Variants in PGS1 observed in about 807,000 individuals in gnomAD.
PGS1 encodes the protein CDP-diacylglycerol--glycerol-3-phosphate 3-phosphatidyltransferase, mitochondrial.
A neutral mutation model predicts 58.3 loss-of-function variants in PGS1; 44 were observed. The ratio of observed to expected loss-of-function variants is 0.75; its 90% CI spans 0.59 to 0.97. PGS1 has a LOEUF of 0.97. Ranked by LOEUF, PGS1 falls within the 50% of genes least tolerant of loss-of-function variation. The pLI, the probability that PGS1 is intolerant of heterozygous loss-of-function variation, is 0.00. For missense variants in PGS1, 684 were observed against 731.1 expected, an observed-to-expected ratio of 0.94 and a Z score of 0.74; for synonymous variants, 330 against 311.0, an observed-to-expected ratio of 1.06 and a Z score of -0.64.
intron 9 of PGS1, chr17:78,420,040 G>A: frequency 9.0e-7 from 1 of 1,115,772 alleles, no homozygotes; most frequent in South Asian, 2.2e-5. Context: ...CCTCCAAGCT[G>A]AGCACACTGG....
intron 1 of PGS1, 152 bp from the exon 2 acceptor site, chr17:78,392,324 C>T (rs2082891975): frequency 7.2e-6 from 4 of 553,990 alleles, no homozygotes; most frequent in Non-Finnish European, 1.3e-5. Context: ...GTTGGGCTCA[C>T]TTTTTAAAAT....
At chr17:78,397,891 T>C (rs1054958216) in intron 3 of PGS1, among the ~76,000 whole-genome samples, 2 of 152,244 alleles carry the variant, frequency 1.3e-5, no homozygotes, top group Non-Finnish European at 2.9e-5. Context: ...AAGCACTCTT[T>C]ACGAGGAGGG....
intron 7 of PGS1, among the ~76,000 whole-genome samples, chr17:78,409,244 AT>A (rs374657604): frequency 6.6e-6 from 1 of 152,366 alleles, no homozygotes; most frequent in African/African-American, 2.4e-5. Context: ...CGTGCATTTC[AT>A]GAGGAAGATC....
chr17:78,403,765 T>C lies in PGS1; in HGVS notation c.1078T>C (p.Phe360Leu). The change falls in exon 7 of 10, where the codon TTC becomes CTC. Residue 360 changes from phenylalanine (F) to leucine (L), a missense_variant. Phe to Leu is a conservative substitution (Grantham distance 22). Coordinates refer to ENST00000262764, the MANE Select transcript of PGS1 (RefSeq NM_024419.5). ...WIYPLIQMKP[F>L]EIQIDEIVTE... ...TTATCCGCTGATTCAGATGAAGCCC[T>C]TCGAGATTCAAATCGATGAGATTGT... 6.2e-7 allele frequency: 1 copy of C among 1,614,216 alleles called. No individual in the cohort carries two copies. The highest frequency in any genetic ancestry group is 8.5e-7 in the Non-Finnish European group (1 of 1,180,034).
intron 1 of PGS1, among the ~76,000 whole-genome samples, chr17:78,382,345 A>G (rs1265372605): frequency 2.6e-5 from 4 of 152,088 alleles, no homozygotes; most frequent in Admixed American, 2.6e-4. Context: ...TCAGCCTGAG[A>G]TGGTGGGGGC....
At chr17:78,409,447 G>A (rs187994286) in intron 7 of PGS1, among the ~76,000 whole-genome samples, 2 of 152,234 alleles carry the variant, frequency 1.3e-5, no homozygotes, top group Non-Finnish European at 2.9e-5. Context: ...GCCAATTGGC[G>A]TTCTGCCCAA....
chr17:78,424,005 G>T, intron 9 of PGS1, 56 bp from the exon 10 acceptor site: 1 of 1,614,066 alleles, frequency 6.2e-7, no homozygotes, highest in Non-Finnish European at 8.5e-7. Flanking sequence ...GGCCGCGGAT[G>T]CGTGTTTTGT....
In PGS1 at chr17:78,424,163, C is replaced by A; in HGVS notation, c.*113C>A. On this transcript the variant is annotated 3_prime_UTR_variant, in exon 10 of 10. Transcript: ENST00000262764. ...GTGTCCCAGCGAGCCCCTGCAGGGA[C>A]AGTATGGCTGAGGGTCAGGTGTGCT... is the stretch of plus-strand genomic sequence containing the variant. 1 of 1,604,358 alleles carries A rather than the reference C, an allele frequency of 6.2e-7. No homozygotes were observed. Among genetic ancestry groups the A allele is most frequent in the Non-Finnish European group, 8.5e-7 (1 of 1,175,648 alleles).
chr17:78,386,981 GTGA>G (rs1194950863), intron 1 of PGS1, among the ~76,000 whole-genome samples: 2 of 111,458 alleles, frequency 1.8e-5, no homozygotes, highest in African/African-American at 4.1e-5. Flanking sequence ...GATGATGATG[GTGA>G]TGATGGTGAT....
Position 78,419,496 on chromosome 17 carries a change from G to A in PGS1, c.1552-50G>A, listed in dbSNP as rs374364424. 1.8e-5 allele frequency: 27 copies of A among 1,532,222 alleles called. 1 individual carries two copies. The Admixed American group carries it at 2.0e-4, about 11-fold the overall frequency. 94.9% of individuals were successfully genotyped at this position (1,532,222 alleles called of 1,614,324 possible). ...GGCTGGGGCCAGCCGGCCATGTGGT[G>A]TGGTGCTGGAGGGGACTCCTCACTA... On this transcript the variant is annotated intron_variant, in intron 8 of 9. Coordinates refer to ENST00000262764, the MANE Select transcript of PGS1 (RefSeq NM_024419.5).
At chr17:78,391,248 A>G (rs1407481781) in intron 1 of PGS1, among the ~76,000 whole-genome samples, 3 of 151,368 alleles carry the variant, frequency 2.0e-5, no homozygotes, top group Non-Finnish European at 4.4e-5. Flanking sequence ...GTGCGCGGCC[A>G]CGGCTCATCA....
intron 7 of PGS1, among the ~76,000 whole-genome samples, chr17:78,409,202 C>G (rs1248835966): frequency 6.6e-6 from 1 of 152,232 alleles, no homozygotes; most frequent in African/African-American, 2.4e-5. Context: ...CAGGCTGTGT[C>G]CATCTGCTGG....
chr17:78,411,879 G>A (rs1362420127), intron 7 of PGS1, among the ~76,000 whole-genome samples: 2 of 132,084 alleles, frequency 1.5e-5, no homozygotes, highest in African/African-American at 5.5e-5. Context: ...CGAGGGAGAT[G>A]AAACAGAACT....
At chr17:78,393,376 T>G (rs544217821) in intron 2 of PGS1, among the ~76,000 whole-genome samples, 2 of 152,326 alleles carry the variant, frequency 1.3e-5, no homozygotes, top group South Asian at 4.1e-4. Context: ...TTGATTCTTA[T>G]GGGCGCACTG....
At chr17:78,420,574 G>C (rs1372118462) in intron 9 of PGS1, 3 of 152,224 alleles carry the variant, frequency 2.0e-5, no homozygotes, top group Non-Finnish European at 4.4e-5. Context: ...AGATGAGCCA[G>C]GACCCATGTG....
At chr17:78,397,760 C>T (rs2083350275) in intron 3 of PGS1, among the ~76,000 whole-genome samples, 1 of 152,144 alleles carries the variant, frequency 6.6e-6, no homozygotes. Context: ...TAGGATATAC[C>T]CTCCACTCCA....
At chr17:78,405,526 C>T (rs1432398150) in intron 7 of PGS1, among the ~76,000 whole-genome samples, 1 of 152,208 alleles carries the variant, frequency 6.6e-6, no homozygotes, top group Non-Finnish European at 1.5e-5. Flanking sequence ...CCCTCTCAGG[C>T]ATCTGGCGGA....
In PGS1 at chr17:78,392,637, C is replaced by G. The variant is rs777925858; in HGVS notation, c.305C>G (p.Ser102Cys). ...VSSSHVRVLS[S>C]PAEFFELMKG... Reference sequence around the variant, plus strand: ...AGTTCTCACGTTAGGGTGCTTTCTTCCCCGGCAGAGTTTTTCGAGCTCATG... The same window carrying G: ...AGTTCTCACGTTAGGGTGCTTTCTTGCCCGGCAGAGTTTTTCGAGCTCATG... Residue 102 changes from serine (S) to cysteine (C), a missense_variant, in exon 2 of 10, where the codon TCC becomes TGC. Coordinates refer to ENST00000262764, the MANE Select transcript of PGS1 (RefSeq NM_024419.5). 2.5e-6 allele frequency: 4 copies of G among 1,613,956 alleles called. No homozygotes were observed. The highest frequency in any genetic ancestry group is 4.5e-5 in the East Asian group (2 of 44,884).
chr17:78,400,845 T>C lies in PGS1; in HGVS notation c.870T>C (p.His290=). ...TGCAGGTGGTGGATGGGATGGTGCA[T>C]CCTTACAAAGGTAGGGGCTGCCGCT... ...DTVQVVDGMV[H]PYKGDRAEYC... is the part of the protein sequence containing the mutation. Residue 290 remains histidine (H), a synonymous_variant, in exon 6 of 10, where the codon CAT becomes CAC. Coordinates refer to ENST00000262764, the MANE Select transcript of PGS1 (RefSeq NM_024419.5). This position sits in a 1 kb window ranked among gnomAD's most constrained non-coding sequence, Gnocchi z 4.4. 1 of 1,602,912 alleles carries C rather than the reference T, an allele frequency of 6.2e-7. No homozygotes were observed. The highest frequency in any genetic ancestry group is 8.5e-7 in the Non-Finnish European group (1 of 1,173,018).
Sources: gnomAD v4.1 joint callset for allele counts (sites outside exome capture counted in the v4.1 genomes callset) on GRCh38, gnomAD v4.1.1 for gene constraint, Gnocchi (gnomAD v3.1) non-coding constraint, MANE v1.5 for transcripts, NCBI Gene and HGNC (gene_info 2026-07-23, HGNC 2026-07-21) for gene names.